Variants in PTPN14 observed in about 807,000 individuals in gnomAD.
PTPN14 encodes protein tyrosine phosphatase non-receptor type 14, also known as tyrosine-protein phosphatase non-receptor type 14.
In PTPN14, 53 loss-of-function variants were observed where a neutral mutation model predicts 126.8. That is an observed-to-expected ratio of 0.42 (90% confidence interval 0.34 to 0.53). PTPN14 has a LOEUF of 0.53. PTPN14 is among the 20% of genes least tolerant of loss of function. PTPN14 has a pLI of 0.08. For synonymous variants in PTPN14, 630 were observed against 599.3 expected (o/e 1.05, Z -0.75); for missense variants, 1,257 against 1,552.9 (o/e 0.81, Z 3.20).
At chr1:214,495,562 C>T (rs1661341667) in intron 1 of PTPN14, among the ~76,000 whole-genome samples, 2 of 152,100 alleles carry the variant, frequency 1.3e-5, no homozygotes, top group Non-Finnish European at 2.9e-5. Flanking sequence ...CCAATTAATC[C>T]ACTCCAGGAG....
At chr1:214,520,065 A>AAAAAAAAAATATATATAT in intron 1 of PTPN14, among the ~76,000 whole-genome samples, 6 of 71,106 alleles carry the variant, frequency 8.4e-5, no homozygotes, top group Admixed American at 4.8e-4. Flanking sequence ...AAAAAAAAAA[A>AAAAAAAAAATATATATAT]ATATATATAT....
intron 1 of PTPN14, among the ~76,000 whole-genome samples, chr1:214,466,594 G>A (rs946560679): frequency 4.6e-5 from 7 of 152,072 alleles, no homozygotes; most frequent in Admixed American, 1.3e-4. Flanking sequence ...TTGCTGGGAG[G>A]CTCATTAAAC....
intron 14 of PTPN14, among the ~76,000 whole-genome samples, chr1:214,376,990 A>G (rs1216663316): frequency 6.6e-6 from 1 of 152,218 alleles, no homozygotes; most frequent in Non-Finnish European, 1.5e-5. Context: ...GTACTTTATT[A>G]CATTTATACA....
At chr1:214,488,372 G>T (rs757365166) in intron 1 of PTPN14, among the ~76,000 whole-genome samples, 6 of 152,142 alleles carry the variant, frequency 3.9e-5, no homozygotes, top group Non-Finnish European at 8.8e-5. Context: ...ACACAGCTGT[G>T]CTGCTCTCAC....
In PTPN14 at chr1:214,532,691, C is replaced by T. The variant is rs1440759827; in HGVS notation, c.-155+18492G>A. 3 of 802,800 alleles carry T rather than the reference C, an allele frequency of 3.7e-6. No homozygotes were observed. In the African/African-American group the frequency reaches 5.0e-5, roughly 13 times the overall value. The allele number at this position is 802,800 out of a possible 1,614,324, so 49.7% of individuals were successfully genotyped here. Reference sequence around the variant, plus strand: ...GATGACTTTAGAGTCAAGTATGAGACAGACTCTCAGGCGCCAGTCTGTGGA... The same window carrying T: ...GATGACTTTAGAGTCAAGTATGAGATAGACTCTCAGGCGCCAGTCTGTGGA... On this transcript the variant is annotated intron_variant, in intron 1 of 18. Coordinates refer to ENST00000366956, the MANE Select transcript of PTPN14 (RefSeq NM_005401.5).
chr1:214,412,896 G>T (rs1038826311), intron 4 of PTPN14, among the ~76,000 whole-genome samples: 54 of 152,216 alleles, frequency 3.5e-4, no homozygotes, highest in Middle Eastern at 3.4e-3. Flanking sequence ...TAGAGACAGG[G>T]TCTTGCTTTG....
At position 214,384,340 on chromosome 1, in the gene PTPN14, G is replaced by T; in HGVS notation, c.1515C>A (p.Val505=). 3.7e-6 allele frequency: 6 copies of T among 1,614,150 alleles called. No homozygotes were observed. Among genetic ancestry groups the T allele is most frequent in the Non-Finnish European group, 5.1e-6 (6 of 1,180,032 alleles). The change falls in exon 13 of 19, where the codon GTC becomes GTA. Residue 505 remains valine, a synonymous_variant. Coordinates refer to ENST00000366956, the MANE Select transcript of PTPN14 (RefSeq NM_005401.5). The surrounding 1 kb of genome is among the most constrained non-coding windows in gnomAD (Gnocchi z 5.3). The part of the protein sequence containing the change: ...PYTVPYGPQG[V]YSNKLVSPSD... Reference sequence around the variant, plus strand: ...ATGGACTGACAAGTTTGTTGCTGTAGACCCCCTGTGGCCCATAAGGGACAG... The same window carrying T: ...ATGGACTGACAAGTTTGTTGCTGTATACCCCCTGTGGCCCATAAGGGACAG...
chr1:214,426,721 A>G (rs1659672256), intron 3 of PTPN14, among the ~76,000 whole-genome samples: 1 of 152,196 alleles, frequency 6.6e-6, no homozygotes, highest in South Asian at 2.1e-4. Context: ...TTTTCATCCT[A>G]GACTTAAGAA....
chr1:214,474,344 C>T (rs989881261), intron 1 of PTPN14, among the ~76,000 whole-genome samples: 1 of 152,156 alleles, frequency 6.6e-6, no homozygotes, highest in Non-Finnish European at 1.5e-5. Flanking sequence ...AAAGAACACC[C>T]TCAGTTCATT....
chr1:214,524,025 T>C (rs1230858416), intron 1 of PTPN14, among the ~76,000 whole-genome samples: 2 of 151,872 alleles, frequency 1.3e-5, no homozygotes, highest in Non-Finnish European at 2.9e-5. Flanking sequence ...AATTTTTGTA[T>C]TTTTAGTAGA....
At chr1:214,529,454 G>A (rs12129528) in intron 1 of PTPN14, 6,746 of 152,304 alleles carry the variant, frequency 0.044, 310 homozygotes, top group African/African-American at 0.12. Flanking sequence ...CACACAAGTT[G>A]GCTATCTATT....
chr1:214,452,033 A>G, intron 2 of PTPN14, 59 bp from the exon 3 acceptor site: 1 of 1,540,152 alleles, frequency 6.5e-7, no homozygotes, highest in Non-Finnish European at 8.8e-7. Flanking sequence ...CCAAGGCCAC[A>G]CAAGAAACGA....
chr1:214,486,295 A>G (rs1468371254), intron 1 of PTPN14, among the ~76,000 whole-genome samples: 1 of 152,210 alleles, frequency 6.6e-6, no homozygotes, highest in Admixed American at 6.5e-5. Flanking sequence ...CTCAGTCTAC[A>G]GAACAGTAAA....
chr1:214,542,302 T>C (rs139329162), intron 1 of PTPN14, among the ~76,000 whole-genome samples: 1 of 152,236 alleles, frequency 6.6e-6, no homozygotes, highest in African/African-American at 2.4e-5. Flanking sequence ...ATATCAGACA[T>C]ACCTTAGAAA....
At chr1:214,369,428 G>C (rs772865263) in intron 17 of PTPN14, 29 bp downstream of exon 17, 1 of 1,588,634 alleles carries the variant, frequency 6.3e-7, no homozygotes, top group East Asian at 2.2e-5. Context: ...AAGTCAGTCA[G>C]GTAGCAGACT....
rs987107736 is a variant in PTPN14 at position 214,349,109 on chromosome 1, T to A, written c.*8813A>T. 5 of 152,184 alleles carry A rather than the reference T, an allele frequency of 3.3e-5. No individual in the cohort carries two copies. The highest frequency in any genetic ancestry group is 1.2e-4 in the African/African-American group (5 of 41,444). The allele number at this position is 152,184 out of a possible 1,614,324, so 9.4% of individuals were successfully genotyped here. A position where few individuals can be genotyped will look rare whatever the true frequency, so the allele number is the denominator to read the frequency against. On this transcript the variant is annotated 3_prime_UTR_variant, in exon 19 of 19. Transcript: ENST00000366956. ...CAGCTTAGGGAATGTCCTATAAACA[T>A]CTCACCCCTCCCTCTGCTTACAACT...
Position 214,380,553 on chromosome 1 carries a change from A to G in PTPN14, c.2545-2451T>C, listed in dbSNP as rs185028404. 2.8e-3 allele frequency among the ~76,000 whole-genome samples: 428 copies of G among 152,346 alleles called. 5 individuals carry two copies. Among genetic ancestry groups the G allele is most frequent in the African/African-American group, 9.7e-3 (404 of 41,590 alleles). On this transcript the variant is annotated intron_variant, in intron 13 of 18. Transcript: ENST00000366956. ...TAGGAGCCAGAATGAGAAGCTATAAAAGCGGCGGAACCATCCATCAAACAG... is the reference window on the plus strand; with the variant it reads ...TAGGAGCCAGAATGAGAAGCTATAAGAGCGGCGGAACCATCCATCAAACAG...
intron 1 of PTPN14, among the ~76,000 whole-genome samples, chr1:214,493,708 C>A (rs1463346050): frequency 6.6e-6 from 1 of 152,120 alleles, no homozygotes; most frequent in Non-Finnish European, 1.5e-5. Flanking sequence ...TGCTAACATA[C>A]TGACCCAGGT....
In PTPN14 at chr1:214,350,472, G is replaced by A. The variant is rs1459659523; in HGVS notation, c.*7450C>T. On this transcript the variant is annotated 3_prime_UTR_variant, in exon 19 of 19. Coordinates refer to ENST00000366956, the MANE Select transcript of PTPN14 (RefSeq NM_005401.5). ...CAAGGGAACAAAAGGGTGAGAAAGG[G>A]AGCTTCCTGCTTGCTGAGTTTTCTA... 6.6e-6 allele frequency: 1 copy of A among 151,940 alleles called. No individual in the cohort carries two copies. The highest frequency in any genetic ancestry group is 2.4e-5 in the African/African-American group (1 of 41,354). The allele number at this position is 151,940 out of a possible 1,614,324, so 9.4% of individuals were successfully genotyped here.
Sources: allele counts gnomAD v4.1 joint callset (sites outside exome capture counted in the v4.1 genomes callset), GRCh38; gene constraint gnomAD v4.1.1; non-coding constraint Gnocchi (gnomAD v3.1); transcripts MANE v1.5; gene names NCBI Gene and HGNC (gene_info 2026-07-23, HGNC 2026-07-21).